ZNF532: variants seen among roughly 807,000 people sequenced by gnomAD.
ZNF532 encodes the protein zinc finger protein 532.
Under a neutral mutation model 89.3 loss-of-function variants are expected in ZNF532, and 22 were observed. The observed-to-expected ratio is 0.25, with a 90% CI of 0.18 to 0.35. ZNF532 has a LOEUF of 0.35. Ranked by LOEUF, ZNF532 falls within the 10% of genes least tolerant of loss-of-function variation. The pLI is 1.00. For synonymous variants in ZNF532, 606 were observed against 649.6 expected, an observed-to-expected ratio of 0.93 and a Z score of 1.02; for missense variants, 1,132 against 1,643.4, an observed-to-expected ratio of 0.69 and a Z score of 5.38.
At chr18:58,897,754 A>G (rs759802281) in intron 2 of ZNF532, among the ~76,000 whole-genome samples, 35 of 152,182 alleles carry the variant, frequency 2.3e-4, no homozygotes, top group Non-Finnish European at 5.0e-4. Flanking sequence ...GGAGTTTGAG[A>G]CCAGCCTGGC....
chr18:58,895,784 T>C (rs1333448951), intron 2 of ZNF532, among the ~76,000 whole-genome samples: 1 of 152,164 alleles, frequency 6.6e-6, no homozygotes, highest in Non-Finnish European at 1.5e-5. Flanking sequence ...CCCATTTCCC[T>C]AAAGGTGTCA....
intron 9 of ZNF532, among the ~76,000 whole-genome samples, chr18:58,983,760 G>C (rs2068117585): frequency 6.6e-6 from 1 of 151,742 alleles, no homozygotes; most frequent in Admixed American, 6.6e-5. Flanking sequence ...CACTGGCAGA[G>C]CAATGCCTGC....
At chr18:58,877,651 G>A (rs942688067) in intron 2 of ZNF532, among the ~76,000 whole-genome samples, 2 of 152,166 alleles carry the variant, frequency 1.3e-5, no homozygotes, top group African/African-American at 2.4e-5. Flanking sequence ...TTTATTAATC[G>A]TTGGCTAAGT....
At chr18:58,942,730 T>C (rs544729128) in intron 5 of ZNF532, among the ~76,000 whole-genome samples, 1 of 152,312 alleles carries the variant, frequency 6.6e-6, no homozygotes, top group East Asian at 1.9e-4. Flanking sequence ...CCCAAAGGTT[T>C]CTTTTGGCAT....
chr18:58,886,832 C>T (rs1353420027), intron 2 of ZNF532, among the ~76,000 whole-genome samples: 2 of 152,168 alleles, frequency 1.3e-5, no homozygotes, highest in East Asian at 3.8e-4. Flanking sequence ...CATTTTTCTT[C>T]AGGAATAACT....
chr18:58,959,260 G>GTTTTTTT (rs1459830009), intron 7 of ZNF532, among the ~76,000 whole-genome samples: 8 of 128,720 alleles, frequency 6.2e-5, no homozygotes, highest in African/African-American at 2.3e-4. Context: ...TTTGTTTTTT[G>GTTTTTTT]TTTTTTTTTG....
intron 5 of ZNF532, among the ~76,000 whole-genome samples, chr18:58,941,810 GTTTCTTTTCTTT>G (rs1225515683): frequency 6.7e-6 from 1 of 149,636 alleles, no homozygotes; most frequent in Non-Finnish European, 1.5e-5. Context: ...TCTTTTCTTT[GTTTCTTTTCTTT>G]TTTCTTTTCT....
chr18:58,877,137 A>G (rs1312911154), intron 2 of ZNF532, among the ~76,000 whole-genome samples: 1 of 152,076 alleles, frequency 6.6e-6, no homozygotes, highest in Non-Finnish European at 1.5e-5. Flanking sequence ...ATGCGGACTG[A>G]AGGCAGTTAG....
intron 7 of ZNF532, among the ~76,000 whole-genome samples, chr18:58,958,065 CA>C (rs71336311): frequency 0.037 from 4,572 of 124,554 alleles, 137 homozygotes; most frequent in African/African-American, 0.093. Context: ...GACAATGTGT[CA>C]AAAAAAAAAA....
At chr18:58,890,341 G>C (rs748667084) in intron 2 of ZNF532, among the ~76,000 whole-genome samples, 2 of 151,720 alleles carry the variant, frequency 1.3e-5, no homozygotes, top group Non-Finnish European at 2.9e-5. Flanking sequence ...GTACTTAACT[G>C]TTACAACTGG....
chr18:58,869,959 G>A (rs2056836209), intron 2 of ZNF532, among the ~76,000 whole-genome samples: 1 of 151,360 alleles, frequency 6.6e-6, no homozygotes, highest in African/African-American at 2.4e-5. Flanking sequence ...GTAGAGATGG[G>A]GCTTCACCAT....
At chr18:58,945,851 C>T (rs773162977) in intron 5 of ZNF532, among the ~76,000 whole-genome samples, 4 of 152,026 alleles carry the variant, frequency 2.6e-5, no homozygotes, top group Non-Finnish European at 5.9e-5. Context: ...CCTCAGCCTG[C>T]CAAGTAGCTG....
chr18:58,965,411 CCA>C (rs779366938), intron 7 of ZNF532, among the ~76,000 whole-genome samples: 5 of 152,198 alleles, frequency 3.3e-5, no homozygotes, highest in African/African-American at 9.7e-5. Context: ...TTGCAGCCTG[CCA>C]GAGGCAGGTT....
At chr18:58,871,573 G>A (rs1206620571) in intron 2 of ZNF532, among the ~76,000 whole-genome samples, 1 of 152,248 alleles carries the variant, frequency 6.6e-6, no homozygotes, top group Non-Finnish European at 1.5e-5. Context: ...GGTGGACTGA[G>A]GGGTGAGCAT....
chr18:58,939,767 C>T (rs1038923199), intron 5 of ZNF532, 146 bp downstream of exon 5: 3 of 613,116 alleles, frequency 4.9e-6, no homozygotes, highest in Non-Finnish European at 7.9e-6. Context: ...AAATACAGCT[C>T]ATAGCTCATC....
chr18:58,882,228 T>C (rs1207884667), intron 2 of ZNF532, among the ~76,000 whole-genome samples: 9 of 152,266 alleles, frequency 5.9e-5, no homozygotes, highest in Non-Finnish European at 1.3e-4. Context: ...GTGGAGTCTC[T>C]TTAGAAATAC....
chr18:58,929,775 A>G (rs547649171), intron 3 of ZNF532, among the ~76,000 whole-genome samples: 1 of 152,352 alleles, frequency 6.6e-6, no homozygotes, highest in African/African-American at 2.4e-5. Flanking sequence ...AAAGGCATAT[A>G]AAGCCATTTC....
At position 58,920,411 on chromosome 18, in the gene ZNF532, T is replaced by C. The variant is rs1370061879; in HGVS notation, c.2124T>C (p.Pro708=). The C allele has an allele frequency of 9.3e-6, 15 of 1,613,950 alleles. No individual in the cohort carries two copies. The highest frequency in any genetic ancestry group is 1.7e-5 in the Admixed American group (1 of 60,012). Residue 708 remains proline (P), a synonymous_variant, in exon 3 of 10, where the codon CCT becomes CCC. Transcript: ENST00000591808. ...TSTSTSTLQS[P]VGAGTHTVTK... ...CTTCAACTTCCACTCTTCAGAGCCC[T>C]GTGGGAGCTGGCACACACACTGTCA...
intron 2 of ZNF532, among the ~76,000 whole-genome samples, chr18:58,890,650 T>C (rs1234663036): frequency 6.6e-6 from 1 of 151,660 alleles, no homozygotes; most frequent in East Asian, 1.9e-4. Context: ...GAATTACTTA[T>C]TAAGTACTAC....
Sources: gnomAD v4.1 joint callset for allele counts (sites outside exome capture counted in the v4.1 genomes callset) on GRCh38, gnomAD v4.1.1 for gene constraint, MANE v1.5 for transcripts, NCBI Gene and HGNC (gene_info 2026-07-23, HGNC 2026-07-21) for gene names.